FLT4: variants seen among roughly 807,000 people sequenced by gnomAD.
The protein encoded by FLT4 is vascular endothelial growth factor receptor 3.
In FLT4, 30 loss-of-function variants were observed where a neutral mutation model predicts 163.2. The ratio of observed to expected loss-of-function variants is 0.18; its 90% confidence interval spans 0.14 to 0.25. FLT4 has a LOEUF of 0.25. Among genes scored for constraint, FLT4 ranks in the 10% least tolerant of loss-of-function variants. FLT4 has a pLI of 1.00. For synonymous variants in FLT4, 884 were observed against 789.5 expected (o/e 1.12, Z -2.01); for missense variants, 1,510 against 1,863.8 (o/e 0.81, Z 3.50).
At chr5:180,621,995 C>CCTCCCTCT in intron 12 of FLT4, 91 bp from the exon 13 acceptor site, 3 of 1,541,712 alleles carry the variant, frequency 1.9e-6, no homozygotes, top group Non-Finnish European at 2.6e-6. Flanking sequence ...TGCCTCCCTC[C>CCTCCCTCT]CTCCCTCTCT....
chr5:180,616,304 C>T, intron 23 of FLT4, 63 bp downstream of exon 23: 3 of 1,609,222 alleles, frequency 1.9e-6, no homozygotes, highest in Non-Finnish European at 1.7e-6. Context: ...GACAGGCAGT[C>T]TGTGGTCCCA....
At position 180,639,098 on chromosome 5, in the gene FLT4, C is replaced by G. The variant is rs145332949; in HGVS notation, c.59-7320G>C. ...GGGTAGGTAGGTGGATAGGTGGACG[C>G]ATGGATGGATGGATGAATGGATGGA... On this transcript the variant is annotated intron_variant, in intron 1 of 29. Coordinates refer to ENST00000261937, the MANE Select transcript of FLT4 (RefSeq NM_182925.5). Among the ~76,000 whole-genome samples, 392 of 149,826 alleles carry G rather than the reference C, an allele frequency of 2.6e-3. 3 individuals are homozygous for G. The highest frequency in any genetic ancestry group is 9.1e-3 in the African/African-American group (367 of 40,262).
In FLT4 at chr5:180,613,336, C is replaced by T. The variant is rs1426706716; in HGVS notation, c.3332-226G>A. 21 of 487,782 alleles carry T rather than the reference C, an allele frequency of 4.3e-5. 1 individual carries two copies. The East Asian group carries it at 5.8e-4, about 13-fold the overall frequency. 30.2% of individuals were successfully genotyped at this position (487,782 alleles called of 1,614,324 possible). On this transcript the variant is annotated intron_variant, in intron 24 of 29. Transcript: ENST00000261937. Reference sequence around the variant, plus strand: ...TCATTTGGTTAAAAGAGGACTGTGCCGCCTGCTTGCTAGGGGTGCCAAGAG... The same window carrying T: ...TCATTTGGTTAAAAGAGGACTGTGCTGCCTGCTTGCTAGGGGTGCCAAGAG...
rs1403607630 is a variant in FLT4 at position 180,612,539 on chromosome 5, G to A, written c.3504C>T (p.Ile1168=). The change falls in exon 26 of 30, where the codon ATC becomes ATT. Residue 1168 remains isoleucine, a synonymous_variant. Coordinates refer to ENST00000261937, the MANE Select transcript of FLT4 (RefSeq NM_182925.5). ...ARPAFSELVE[I]LGDLLQGRGL... ...CCCTGCCCTGGAGCAGGTCCCCCAG[G>A]ATCTCCACCAGCTCCGAGAATGCAG... The A allele has an allele frequency of 6.2e-7, 1 of 1,613,862 alleles. No individual in the cohort carries two copies. Among genetic ancestry groups the A allele is most frequent in the East Asian group, 2.2e-5 (1 of 44,884 alleles).
intron 19 of FLT4, 38 bp downstream of exon 19, chr5:180,619,215 C>A (rs1248283356): frequency 1.3e-6 from 2 of 1,504,088 alleles, no homozygotes; most frequent in African/African-American, 1.4e-5. Context: ...GCCCCGCGCC[C>A]GGGGTCTCGC....
chr5:180,609,848 C>G, intron 28 of FLT4, 57 bp downstream of exon 28: 4 of 1,607,886 alleles, frequency 2.5e-6, no homozygotes, highest in Non-Finnish European at 2.6e-6. Context: ...GCTGCCTCCC[C>G]TGAGGCGGCC....
At chr5:180,640,463 C>T (rs1765020431) in intron 1 of FLT4, among the ~76,000 whole-genome samples, 2 of 152,220 alleles carry the variant, frequency 1.3e-5, no homozygotes, top group South Asian at 2.1e-4. Context: ...CATGAAGCCT[C>T]AGAGACCCCT....
intron 21 of FLT4, among the ~76,000 whole-genome samples, chr5:180,617,954 G>A (rs111611458): frequency 1.5e-3 from 30 of 20,632 alleles, no homozygotes; most frequent in African/African-American, 5.5e-3. Context: ...CTGCCCCTCA[G>A]CCTCTGGGAC....
At chr5:180,640,478 G>T (rs764417237) in intron 1 of FLT4, among the ~76,000 whole-genome samples, 3 of 152,212 alleles carry the variant, frequency 2.0e-5, no homozygotes, top group Non-Finnish European at 4.4e-5. Flanking sequence ...ACCCCTGCAG[G>T]CAGGAAGGCC....
In FLT4 at chr5:180,620,447, C is replaced by T. The variant is rs1763037449; in HGVS notation, c.2407-139G>A. 1 of 1,305,290 alleles carries T rather than the reference C, an allele frequency of 7.7e-7. No individual in the cohort carries two copies. The highest frequency in any genetic ancestry group is 1.1e-6 in the Non-Finnish European group (1 of 911,718). The allele number at this position is 1,305,290 out of a possible 1,614,324, so 80.9% of individuals were successfully genotyped here. On this transcript the variant is annotated intron_variant, in intron 16 of 29. Transcript: ENST00000261937. This position sits in a 1 kb window ranked among gnomAD's most constrained non-coding sequence, Gnocchi z 4.4. Reference sequence around the variant, plus strand: ...AGGAGGGGACAGAAAAAAAGACAGACAACCTCTGCGGGGTTGGAGCCCAGC... The same window carrying T: ...AGGAGGGGACAGAAAAAAAGACAGATAACCTCTGCGGGGTTGGAGCCCAGC...
chr5:180,618,765 C>T lies in FLT4; in HGVS notation c.3001+5G>A, dbSNP rs1199134739. ...CTAGGAAAAGGGAAGAGGCCAGGCTCTCACCTTCTTGGTCTGGAGAAGCCC... is the reference window on the plus strand; with the variant it reads ...CTAGGAAAAGGGAAGAGGCCAGGCTTTCACCTTCTTGGTCTGGAGAAGCCC... On this transcript the variant is annotated splice_donor_5th_base_variant and intron_variant, in intron 21 of 29. Transcript: ENST00000261937. The T allele has an allele frequency of 6.3e-7, 1 of 1,586,340 alleles. No individual in the cohort carries two copies.
intron 1 of FLT4, among the ~76,000 whole-genome samples, chr5:180,647,828 C>T (rs761325106): frequency 3.5e-4 from 54 of 152,168 alleles, no homozygotes; most frequent in Non-Finnish European, 4.9e-4. Flanking sequence ...AACTGGGTCA[C>T]TAAGAGTCAC....
At chr5:180,622,221 C>T (rs1391257337) in intron 12 of FLT4, among the ~76,000 whole-genome samples, 1 of 151,392 alleles carries the variant, frequency 6.6e-6, no homozygotes, top group Admixed American at 6.6e-5. Flanking sequence ...TCTGGTCAGG[C>T]TCCTGTGGCC....
At chr5:180,614,640 G>A (rs556151443) in intron 23 of FLT4, among the ~76,000 whole-genome samples, 240 of 152,168 alleles carry the variant, frequency 1.6e-3, no homozygotes, top group African/African-American at 5.4e-3. Flanking sequence ...CTCCGCCGCC[G>A]GCTGTCTCTC....
chr5:180,648,929 G>A (rs1032181878), intron 1 of FLT4, among the ~76,000 whole-genome samples: 2 of 152,302 alleles, frequency 1.3e-5, no homozygotes, highest in South Asian at 2.1e-4. Flanking sequence ...GCACCCGTCC[G>A]CCTCGGGCGC....
chr5:180,628,897 G>C lies in FLT4; in HGVS notation c.1088C>G (p.Pro363Arg), dbSNP rs768687155. The C allele has an allele frequency of 3.7e-6, 6 of 1,608,650 alleles. No homozygotes were observed. Among genetic ancestry groups the C allele is most frequent in the East Asian group, 4.5e-5 (2 of 44,826 alleles). ...GGGCTGTTACCACTGGAACTCGGGCGGGGGGTACGCTGCCAGCTTCACGGG... is the reference window on the plus strand; with the variant it reads ...GGGCTGTTACCACTGGAACTCGGGCCGGGGGTACGCTGCCAGCTTCACGGG... The part of the protein sequence containing the change: ...KLPVKLAAYP[P>R]PEFQWYKDGK... The change falls in exon 8 of 30, where the codon CCG becomes CGG. Residue 363 changes from proline to arginine, a missense_variant. This residue lies in a region of FLT4 where 878 missense variants were observed against 1,016.7 expected (regional missense o/e 0.86). Transcript: ENST00000261937.
rs775336901 is a variant in FLT4 at position 180,621,002 on chromosome 5, C to A, written c.2173G>T (p.Asp725Tyr). 6.2e-7 allele frequency: 1 copy of A among 1,611,422 alleles called. No homozygotes were observed. The highest frequency in any genetic ancestry group is 1.1e-5 in the South Asian group (1 of 91,010). Residue 725 changes from aspartate (D) to tyrosine (Y), a missense_variant, in exon 15 of 30, where the codon GAC becomes TAC. This residue lies in a region of FLT4 where 878 missense variants were observed against 1,016.7 expected (regional missense o/e 0.86). Coordinates refer to ENST00000261937, the MANE Select transcript of FLT4 (RefSeq NM_182925.5). ...AGCTTCTGGTTGGAGTCCGCCAAGT[C>A]GACTCCTGCAGGGGGTGGGGTGGAG... is the stretch of plus-strand genomic sequence containing the variant. ...ERLLEEKSGV[D>Y]LADSNQKLSI...
chr5:180,622,796 A>G lies in FLT4; in HGVS notation c.1592T>C (p.Met531Thr). The change falls in exon 12 of 30, where the codon ATG (methionine) becomes ACG (threonine). Residue 531 changes from methionine (M) to threonine (T), a missense_variant. Physicochemically the swap from Met to Thr is moderately conservative, Grantham distance 81. Transcript: ENST00000261937. ...CTTGTTGGAGACCACACACTTGTAC[A>G]TGGCAGACACGTTGGCATTCTGGAT... ...LVIQNANVSA[M>T]YKCVVSNKVG... 1.9e-6 allele frequency: 3 copies of G among 1,613,676 alleles called. No homozygotes were observed. The highest frequency in any genetic ancestry group is 1.7e-6 in the Non-Finnish European group (2 of 1,179,924).
intron 29 of FLT4, among the ~76,000 whole-genome samples, chr5:180,606,064 G>A (rs1438220030): frequency 6.6e-6 from 1 of 152,182 alleles, no homozygotes; most frequent in Non-Finnish European, 1.5e-5. Flanking sequence ...TATGCCAAGC[G>A]GATGCACCCG....
Sources: allele counts gnomAD v4.1 joint callset (sites outside exome capture counted in the v4.1 genomes callset), GRCh38; gene constraint gnomAD v4.1.1; regional missense constraint gnomAD v4.1.1; non-coding constraint Gnocchi (gnomAD v3.1); transcripts MANE v1.5; gene names NCBI Gene and HGNC (gene_info 2026-07-23, HGNC 2026-07-21).